Variants in PC observed in about 807,000 individuals in gnomAD.
PC encodes the protein pyruvate carboxylase.
In PC, 46 loss-of-function variants were observed where a neutral mutation model predicts 107.8. The ratio of observed to expected loss-of-function variants is 0.43; its 90% CI spans 0.34 to 0.55. PC has a LOEUF of 0.55. PC is among the 20% of genes least tolerant of loss of function. The pLI, the probability that PC is intolerant of heterozygous loss-of-function variation, is 0.04. For missense variants in PC, 1,241 were observed against 1,643.1 expected, an observed-to-expected ratio of 0.76 and a Z score of 4.23; for synonymous variants, 662 against 684.7, an observed-to-expected ratio of 0.97 and a Z score of 0.52.
chr11:66,950,670 C>T (rs995356256), intron 3 of PC, among the ~76,000 whole-genome samples: 4 of 152,072 alleles, frequency 2.6e-5, no homozygotes, highest in Non-Finnish European at 5.9e-5. Flanking sequence ...AGAAGAGGTC[C>T]CTTCTTGGTG....
intron 12 of PC, chr11:66,860,469 C>A: frequency 1.4e-6 from 1 of 703,318 alleles, no homozygotes; most frequent in Non-Finnish European, 2.6e-6. Context: ...TTGTTGGGGA[C>A]ACCTCAGTGC....
Position 66,857,578 on chromosome 11 carries a change from G to GC in PC, c.1369-4196dup. 1.4e-6 allele frequency: 1 copy of GC among 693,546 alleles called. No homozygotes were observed. Among genetic ancestry groups the GC allele is most frequent in the Non-Finnish European group, 2.4e-6 (1 of 425,464 alleles). 43.0% of individuals were successfully genotyped at this position (693,546 alleles called of 1,614,324 possible). A position where few individuals can be genotyped will look rare whatever the true frequency, so the allele number is the denominator to read the frequency against. Reference sequence around the variant, plus strand: ...TGCTCTGGGGGGCCTGGCCCTGCAGGCCCCAACCTTCCCTCATCTCTGGCG... The same window carrying GC: ...TGCTCTGGGGGGCCTGGCCCTGCAGGCCCCCAACCTTCCCTCATCTCTGGCG... On this transcript the variant is annotated intron_variant, in intron 12 of 22. Coordinates refer to ENST00000393960, the MANE Select transcript of PC (RefSeq NM_001040716.2). The surrounding 1 kb of genome is among the most constrained non-coding windows in gnomAD (Gnocchi z 7.1).
At chr11:66,958,294 G>C (rs1225235627) in intron 1 of PC, 28 bp downstream of exon 1, 2 of 152,314 alleles carry the variant, frequency 1.3e-5, no homozygotes, top group Admixed American at 6.5e-5. Context: ...GCGGGAAGAG[G>C]ACCGTGCGGA....
Position 66,870,219 on chromosome 11 carries a change from C to T in PC, c.903+83G>A, listed in dbSNP as rs1403232173. ...TCCCCAGAAGGGGACTCAGGGTCCCCTTCCCCAACCAGCGCCCCACTGTGA... is the reference window on the plus strand; with the variant it reads ...TCCCCAGAAGGGGACTCAGGGTCCCTTTCCCCAACCAGCGCCCCACTGTGA... On this transcript the variant is annotated intron_variant, in intron 9 of 22. Transcript: ENST00000393960. This position sits in a 1 kb window ranked among gnomAD's most constrained non-coding sequence, Gnocchi z 6.1. 1.3e-6 allele frequency: 2 copies of T among 1,560,566 alleles called. No homozygotes were observed. The highest frequency in any genetic ancestry group is 1.4e-5 in the African/African-American group (1 of 74,018).
intron 3 of PC, among the ~76,000 whole-genome samples, chr11:66,933,671 A>G (rs868655469): frequency 4.6e-5 from 7 of 151,884 alleles, no homozygotes; most frequent in Middle Eastern, 6.8e-3. Flanking sequence ...GTGACACTTT[A>G]TATTTGCCAC....
intron 3 of PC, among the ~76,000 whole-genome samples, chr11:66,925,194 G>A (rs1308576617): frequency 5.3e-5 from 8 of 152,170 alleles, no homozygotes; most frequent in African/African-American, 1.9e-4. Context: ...CATTGTCATT[G>A]ATAACATCTT....
At chr11:66,861,156 G>A (rs1946234673) in intron 12 of PC, among the ~76,000 whole-genome samples, 1 of 152,206 alleles carries the variant, frequency 6.6e-6, no homozygotes, top group Non-Finnish European at 1.5e-5. Flanking sequence ...CTGCAGGGAG[G>A]CAGCCGGATG....
intron 12 of PC, among the ~76,000 whole-genome samples, chr11:66,854,284 G>C (rs192253315): frequency 5.3e-5 from 8 of 152,354 alleles, no homozygotes; most frequent in Non-Finnish European, 2.9e-5. Flanking sequence ...TGCCTGGGAA[G>C]CTCTCCCTGA....
intron 3 of PC, among the ~76,000 whole-genome samples, chr11:66,888,600 G>A (rs1565263664): frequency 6.6e-6 from 1 of 152,202 alleles, no homozygotes; most frequent in Non-Finnish European, 1.5e-5. Flanking sequence ...CAGCTCCTGG[G>A]GATGTGGCCT....
chr11:66,950,136 G>A (rs1949403088), intron 3 of PC, among the ~76,000 whole-genome samples: 1 of 152,214 alleles, frequency 6.6e-6, no homozygotes, highest in South Asian at 2.1e-4. Flanking sequence ...ATGTGCAAAC[G>A]TAATAAATGG....
chr11:66,903,542 C>A (rs1255178074), intron 3 of PC, among the ~76,000 whole-genome samples: 10 of 150,956 alleles, frequency 6.6e-5, no homozygotes, highest in South Asian at 4.2e-4. Flanking sequence ...GAGTTCAAAA[C>A]CAGCCTGGCC....
At chr11:66,936,936 T>C (rs1358681687) in intron 3 of PC, among the ~76,000 whole-genome samples, 1 of 152,016 alleles carries the variant, frequency 6.6e-6, no homozygotes, top group Admixed American at 6.6e-5. Context: ...GCCTCCCAAG[T>C]TCAAGCAACG....
intron 3 of PC, among the ~76,000 whole-genome samples, chr11:66,929,240 G>A (rs955508700): frequency 1.3e-5 from 2 of 152,086 alleles, no homozygotes; most frequent in South Asian, 2.1e-4. Flanking sequence ...GGGAGTGGCC[G>A]AAACCACTTC....
intron 3 of PC, among the ~76,000 whole-genome samples, chr11:66,914,073 C>T (rs1051499202): frequency 6.6e-6 from 1 of 152,202 alleles, no homozygotes; most frequent in Non-Finnish European, 1.5e-5. Flanking sequence ...TATCAAGCTA[C>T]CTGGGCAATC....
intron 3 of PC, among the ~76,000 whole-genome samples, chr11:66,926,999 T>C (rs1948732758): frequency 6.6e-6 from 1 of 150,778 alleles, no homozygotes; most frequent in African/African-American, 2.4e-5. Context: ...GGCTCTTTTT[T>C]TGTGTTTTGA....
In PC at chr11:66,849,005, T is replaced by A. The variant is rs1357063795; in HGVS notation, c.3431A>T (p.Lys1144Met). The change falls in exon 23 of 23, where the codon AAG becomes ATG. Residue 1144 changes from lysine (K) to methionine (M), a missense_variant. Physicochemically the swap from Lys to Met is moderately conservative, Grantham distance 95. Transcript: ENST00000393960. The stretch of plus-strand genomic sequence containing the variant: ...GGGTGAGGTCACCACAGTCTCCATC[T>A]TCATGGCACTGAGCACACACAGGGG... ...GQPLCVLSAM[K>M]METVVTSPME... 6.2e-7 allele frequency: 1 copy of A among 1,613,964 alleles called. No individual in the cohort carries two copies. The highest frequency in any genetic ancestry group is 1.3e-5 in the African/African-American group (1 of 74,940).
At position 66,864,160 on chromosome 11, in the gene PC, G is replaced by A. The variant is rs375337008; in HGVS notation, c.1186-204C>T. 1.4e-3 allele frequency among the ~76,000 whole-genome samples: 207 copies of A among 152,360 alleles called. 5 individuals carry two copies. The South Asian group carries it at 0.04, about 29-fold the overall frequency. ...AGTGCGTCCCTTCTCTACGTGCCACGCAGTCACTGCTACTGGCTCCCTGTG... is the reference window on the plus strand; with the variant it reads ...AGTGCGTCCCTTCTCTACGTGCCACACAGTCACTGCTACTGGCTCCCTGTG... On this transcript the variant is annotated intron_variant, in intron 11 of 22. Transcript: ENST00000393960.
chr11:66,849,514 C>T, intron 21 of PC, 97 bp downstream of exon 21: 1 of 1,609,630 alleles, frequency 6.2e-7, no homozygotes, highest in East Asian at 2.2e-5. Flanking sequence ...CCTTTCTGCT[C>T]CCAAAGCTTG....
intron 3 of PC, among the ~76,000 whole-genome samples, chr11:66,880,112 C>T (rs551354131): frequency 4.6e-5 from 7 of 152,324 alleles, no homozygotes; most frequent in Non-Finnish European, 8.8e-5. Flanking sequence ...GGCGCCTGCA[C>T]CCTTCCTAGA....
Sources: gnomAD v4.1 joint callset for allele counts (sites outside exome capture counted in the v4.1 genomes callset) on GRCh38, gnomAD v4.1.1 for gene constraint, Gnocchi (gnomAD v3.1) non-coding constraint, MANE v1.5 for transcripts, NCBI Gene and HGNC (gene_info 2026-07-23, HGNC 2026-07-21) for gene names.